The following BMPR1B variants were observed in gnomAD, a reference collection of about 807,000 sequenced individuals.
BMPR1B encodes the protein bone morphogenetic protein receptor type-1B.
Under a neutral mutation model 59.1 loss-of-function variants are expected in BMPR1B, and 12 were observed. That is an observed-to-expected ratio of 0.20 (90% CI 0.13 to 0.33). BMPR1B has a LOEUF of 0.33. Among genes scored for constraint, BMPR1B ranks in the 10% least tolerant of loss-of-function variants. BMPR1B has a pLI of 1.00. For synonymous variants in BMPR1B, 237 were observed against 207.3 expected (o/e 1.14, Z -1.23); for missense variants, 550 against 610.9 (o/e 0.90, Z 1.05).
chr4:95,032,739 G>A (rs182513803), intron 3 of BMPR1B, among the ~76,000 whole-genome samples: 1 of 152,242 alleles, frequency 6.6e-6, no homozygotes, highest in East Asian at 1.9e-4. Context: ...CTGTTGTAGT[G>A]TAGACCACAT....
intron 1 of BMPR1B, among the ~76,000 whole-genome samples, chr4:94,809,810 C>G (rs1450047481): frequency 6.6e-6 from 1 of 152,252 alleles, no homozygotes; most frequent in Non-Finnish European, 1.5e-5. Context: ...AGCAAAACAT[C>G]TATCTGGCCT....
At chr4:94,831,639 T>C (rs1332342453) in intron 1 of BMPR1B, among the ~76,000 whole-genome samples, 2 of 152,188 alleles carry the variant, frequency 1.3e-5, no homozygotes, top group Non-Finnish European at 2.9e-5. Context: ...TATGTTTAGA[T>C]ATGTTAAAAT....
chr4:94,829,252 C>G (rs893951830), intron 1 of BMPR1B, among the ~76,000 whole-genome samples: 2 of 151,650 alleles, frequency 1.3e-5, no homozygotes, highest in Admixed American at 1.3e-4. Context: ...CTTTCTCTCT[C>G]AATTTATTCC....
At chr4:94,915,418 A>AC (rs1728444856) in intron 2 of BMPR1B, among the ~76,000 whole-genome samples, 1 of 151,960 alleles carries the variant, frequency 6.6e-6, no homozygotes. Context: ...ACCAATTCTC[A>AC]CCCCTCCTCC....
intron 2 of BMPR1B, among the ~76,000 whole-genome samples, chr4:94,890,873 G>C (rs1541371): frequency 0.049 from 7,450 of 151,984 alleles, 448 homozygotes; most frequent in African/African-American, 0.14. Flanking sequence ...TCACATTGGG[G>C]GTTAGGACTT....
intron 1 of BMPR1B, among the ~76,000 whole-genome samples, chr4:94,776,763 G>C (rs145768860): frequency 5.3e-5 from 8 of 152,192 alleles, no homozygotes; most frequent in Non-Finnish European, 1.0e-4. Context: ...GGTTCTGCAA[G>C]ACTTGATTAT....
rs907137284 is a variant in BMPR1B, at chr4:94,957,993, T to C, written c.-112-38047T>C. Among the ~76,000 whole-genome samples, 89 of 152,256 alleles carry C rather than the reference T, an allele frequency of 5.8e-4. 2 individuals are homozygous for C. The highest frequency in any genetic ancestry group is 2.1e-3 in the African/African-American group (88 of 41,564). On this transcript the variant is annotated intron_variant, in intron 2 of 12. Transcript: ENST00000515059. ...TGACTACTATATATATTCTTAAAAATATATGGAATAAAAGGTAAAAAAATG... is the reference window on the plus strand; with the variant it reads ...TGACTACTATATATATTCTTAAAAACATATGGAATAAAAGGTAAAAAAATG...
intron 2 of BMPR1B, among the ~76,000 whole-genome samples, chr4:94,880,075 A>G (rs1726899267): frequency 6.6e-6 from 1 of 152,154 alleles, no homozygotes; most frequent in South Asian, 2.1e-4. Context: ...TTTTATTCAT[A>G]ATTTTTGACT....
At chr4:95,057,840 A>G (rs894320440) in intron 3 of BMPR1B, among the ~76,000 whole-genome samples, 2 of 152,164 alleles carry the variant, frequency 1.3e-5, no homozygotes, top group African/African-American at 4.8e-5. Flanking sequence ...TGTTTTGAAA[A>G]TTATTTTAAA....
chr4:94,987,159 T>C (rs1245441384), intron 2 of BMPR1B, among the ~76,000 whole-genome samples: 1 of 143,644 alleles, frequency 7.0e-6, no homozygotes, highest in East Asian at 2.0e-4. Context: ...TATATATACA[T>C]ATACATATAT....
At chr4:95,084,201 A>C (rs970126674) in intron 3 of BMPR1B, among the ~76,000 whole-genome samples, 14 of 151,424 alleles carry the variant, frequency 9.2e-5, no homozygotes, top group Middle Eastern at 7.0e-3. Flanking sequence ...TATGATATAT[A>C]TCTTTATATA....
chr4:94,790,326 G>A (rs1314641837), intron 1 of BMPR1B, among the ~76,000 whole-genome samples: 1 of 152,204 alleles, frequency 6.6e-6, no homozygotes, highest in Non-Finnish European at 1.5e-5. Context: ...AAGTTAACCA[G>A]TGTGAGTTAT....
chr4:94,832,593 C>T (rs1001982854), intron 1 of BMPR1B, among the ~76,000 whole-genome samples: 2 of 151,500 alleles, frequency 1.3e-5, no homozygotes, highest in Non-Finnish European at 2.9e-5. Flanking sequence ...ACCAGCTTGG[C>T]CAAACATGGT....
chr4:94,940,508 A>AT (rs371845857), intron 2 of BMPR1B, among the ~76,000 whole-genome samples: 6 of 152,166 alleles, frequency 3.9e-5, no homozygotes, highest in African/African-American at 1.4e-4. Flanking sequence ...AGTTCTTAAA[A>AT]TTTTTTTTGT....
intron 2 of BMPR1B, among the ~76,000 whole-genome samples, chr4:94,977,963 C>A (rs1731091681): frequency 6.6e-6 from 1 of 152,160 alleles, no homozygotes; most frequent in Admixed American, 6.5e-5. Flanking sequence ...TCACTATGGG[C>A]AATGGTATGG....
At chr4:94,941,490 A>G (rs995105428) in intron 2 of BMPR1B, among the ~76,000 whole-genome samples, 1 of 152,074 alleles carries the variant, frequency 6.6e-6, no homozygotes, top group African/African-American at 2.4e-5. Flanking sequence ...AATATTTAGC[A>G]GTTGAAAATA....
intron 1 of BMPR1B, among the ~76,000 whole-genome samples, chr4:94,768,392 T>G (rs1282110544): frequency 6.6e-6 from 1 of 152,120 alleles, no homozygotes; most frequent in Admixed American, 6.5e-5. Context: ...AAACCTCTGC[T>G]TTATTTACCA....
intron 1 of BMPR1B, among the ~76,000 whole-genome samples, chr4:94,773,555 T>G (rs1043219837): frequency 1.3e-5 from 2 of 152,110 alleles, no homozygotes; most frequent in African/African-American, 4.8e-5. Flanking sequence ...CAATAAATAC[T>G]GTATTCTTTT....
intron 2 of BMPR1B, among the ~76,000 whole-genome samples, chr4:94,897,289 C>T (rs962221678): frequency 3.9e-5 from 6 of 152,000 alleles, no homozygotes; most frequent in African/African-American, 1.4e-4. Flanking sequence ...GCCTTGGGTG[C>T]TCCCAATGTA....
Sources: gnomAD v4.1 joint callset for allele counts (sites outside exome capture counted in the v4.1 genomes callset) on GRCh38, gnomAD v4.1.1 for gene constraint, MANE v1.5 for transcripts, NCBI Gene and HGNC (gene_info 2026-07-23, HGNC 2026-07-21) for gene names.